The following KCNH7 variants were observed in gnomAD, a reference collection of about 807,000 sequenced individuals.
The protein encoded by KCNH7 is voltage-gated inwardly rectifying potassium channel KCNH7.
In KCNH7, 49 loss-of-function variants were observed where a neutral mutation model predicts 120.8. The ratio of observed to expected loss-of-function variants is 0.41; its 90% CI spans 0.32 to 0.51. The LOEUF (loss-of-function observed/expected upper bound fraction) is 0.51. KCNH7 is among the 20% of genes least tolerant of loss of function. KCNH7 has a pLI of 0.38. For missense variants in KCNH7, 1,097 were observed against 1,446.6 expected, an observed-to-expected ratio of 0.76 and a Z score of 3.92; for synonymous variants, 547 against 516.1, an observed-to-expected ratio of 1.06 and a Z score of -0.81.
chr2:162,709,710 T>C (rs1284579538), intron 2 of KCNH7, among the ~76,000 whole-genome samples: 1 of 152,184 alleles, frequency 6.6e-6, no homozygotes, highest in Non-Finnish European at 1.5e-5. Context: ...TTGTTTTTCT[T>C]ACTGTGTTCA....
chr2:162,511,121 T>C (rs901734992), intron 5 of KCNH7, among the ~76,000 whole-genome samples: 16 of 151,704 alleles, frequency 1.1e-4, no homozygotes, highest in African/African-American at 3.9e-4. Context: ...GTTCAAAGAC[T>C]ACTCCTATTA....
chr2:162,577,471 T>C (rs998060694), intron 2 of KCNH7, among the ~76,000 whole-genome samples: 1 of 151,730 alleles, frequency 6.6e-6, no homozygotes, highest in African/African-American at 2.4e-5. Context: ...CCAGAGAGAT[T>C]TGGAAACTCG....
chr2:162,588,802 G>A (rs1694108022), intron 2 of KCNH7, among the ~76,000 whole-genome samples: 1 of 152,042 alleles, frequency 6.6e-6, no homozygotes, highest in Admixed American at 6.6e-5. Context: ...TCATCCTGCA[G>A]TGGTATAGAA....
At chr2:162,546,625 A>G (rs963933088) in intron 2 of KCNH7, among the ~76,000 whole-genome samples, 8 of 152,156 alleles carry the variant, frequency 5.3e-5, no homozygotes, top group Non-Finnish European at 8.8e-5. Flanking sequence ...TGGTGTGCCC[A>G]TGATGTCCGT....
intron 6 of KCNH7, among the ~76,000 whole-genome samples, chr2:162,476,249 ATATAGAGCAAACTTT>A (rs978690036): frequency 1.3e-5 from 2 of 152,206 alleles, no homozygotes; most frequent in African/African-American, 2.4e-5. Flanking sequence ...CTGAAACTTT[ATATAGAGCAAACTTT>A]TATAGAGCAA....
At chr2:162,765,980 C>T (rs1682787915) in intron 2 of KCNH7, among the ~76,000 whole-genome samples, 1 of 152,128 alleles carries the variant, frequency 6.6e-6, no homozygotes. Flanking sequence ...TGGTCTCAAA[C>T]CCCTAGCCTA....
intron 2 of KCNH7, among the ~76,000 whole-genome samples, chr2:162,755,540 C>T (rs745994891): frequency 7.9e-5 from 12 of 152,014 alleles, no homozygotes; most frequent in African/African-American, 1.4e-4. Flanking sequence ...AGTTTGTTTA[C>T]CCACATGTTT....
chr2:162,496,024 G>A (rs1164102886), intron 6 of KCNH7, among the ~76,000 whole-genome samples: 1 of 152,110 alleles, frequency 6.6e-6, no homozygotes, highest in African/African-American at 2.4e-5. Context: ...AACCCAAATT[G>A]CTTCTTCTTG....
chr2:162,401,673 T>C (rs1157016905), intron 9 of KCNH7, among the ~76,000 whole-genome samples: 1 of 151,950 alleles, frequency 6.6e-6, no homozygotes, highest in African/African-American at 2.4e-5. Flanking sequence ...CAGACTGATA[T>C]ATTATAAAGA....
At chr2:162,534,042 C>T (rs1692025203) in intron 3 of KCNH7, among the ~76,000 whole-genome samples, 2 of 151,242 alleles carry the variant, frequency 1.3e-5, no homozygotes, top group Admixed American at 6.6e-5. Flanking sequence ...ACCTTTCCTA[C>T]TGGAAAACTA....
intron 13 of KCNH7, among the ~76,000 whole-genome samples, chr2:162,383,614 A>G (rs1384391012): frequency 6.6e-6 from 1 of 151,916 alleles, no homozygotes; most frequent in East Asian, 1.9e-4. Flanking sequence ...ACTCTGTACT[A>G]ATGTACTAAT....
intron 2 of KCNH7, among the ~76,000 whole-genome samples, chr2:162,674,415 A>T (rs1055080670): frequency 2.0e-5 from 3 of 151,784 alleles, no homozygotes. Context: ...TCATTATGCT[A>T]CTTCTTCCTA....
At chr2:162,584,576 A>G (rs955413342) in intron 2 of KCNH7, among the ~76,000 whole-genome samples, 1 of 152,076 alleles carries the variant, frequency 6.6e-6, no homozygotes, top group Non-Finnish European at 1.5e-5. Context: ...TCCTAAAGCT[A>G]TGGAAGGTTG....
chr2:162,661,774 T>C (rs945369795), intron 2 of KCNH7, among the ~76,000 whole-genome samples: 1 of 152,114 alleles, frequency 6.6e-6, no homozygotes, highest in Non-Finnish European at 1.5e-5. Context: ...GAAAAGGAAA[T>C]GAGAAGAAAG....
chr2:162,434,632 A>G (rs976893981), intron 8 of KCNH7, among the ~76,000 whole-genome samples: 1 of 152,068 alleles, frequency 6.6e-6, no homozygotes, highest in African/African-American at 2.4e-5. Flanking sequence ...ATGCCACAGG[A>G]AAAGAAATTT....
chr2:162,771,832 T>C (rs1683065377), intron 2 of KCNH7: 1 of 152,126 alleles, frequency 6.6e-6, no homozygotes, highest in African/African-American at 2.4e-5. Flanking sequence ...TACTATGTAG[T>C]TCACAAATAA....
At chr2:162,405,943 A>G (rs1012722187) in intron 9 of KCNH7, among the ~76,000 whole-genome samples, 2 of 151,968 alleles carry the variant, frequency 1.3e-5, no homozygotes, top group African/African-American at 2.4e-5. Flanking sequence ...TCCTATTTTT[A>G]TATGTCACTC....
chr2:162,471,360 C>T (rs1040176213), intron 6 of KCNH7, among the ~76,000 whole-genome samples: 1 of 151,914 alleles, frequency 6.6e-6, no homozygotes, highest in Non-Finnish European at 1.5e-5. Flanking sequence ...ACTTGGTCTC[C>T]TGTGTATATA....
intron 2 of KCNH7, among the ~76,000 whole-genome samples, chr2:162,807,535 GC>G: frequency 6.6e-6 from 1 of 152,170 alleles, no homozygotes; most frequent in South Asian, 2.1e-4. Context: ...CAAGTTTGTG[GC>G]TTTTTTGTAT....
Sources: gnomAD v4.1 joint callset for allele counts (sites outside exome capture counted in the v4.1 genomes callset) on GRCh38, gnomAD v4.1.1 for gene constraint, MANE v1.5 for transcripts, NCBI Gene and HGNC (gene_info 2026-07-23, HGNC 2026-07-21) for gene names.